ITPRID1: variants seen among roughly 807,000 people sequenced by gnomAD.
ITPRID1 encodes protein ITPRID1.
Under a neutral mutation model 95.4 loss-of-function variants are expected in ITPRID1, and 96 were observed. The observed-to-expected ratio is 1.01, with a 90% confidence interval of 0.85 to 1.19. The LOEUF (loss-of-function observed/expected upper bound fraction) is 1.19, where lower values mean the gene tolerates loss of function less well. Among genes scored for constraint, ITPRID1 ranks in the 50% most tolerant of loss-of-function variants. ITPRID1 has a pLI of 0.00. For missense variants in ITPRID1, 1,339 were observed against 1,252.9 expected (o/e 1.07, Z -1.04); for synonymous variants, 510 against 453.6 (o/e 1.12, Z -1.58).
intron 10 of ITPRID1, among the ~76,000 whole-genome samples, chr7:31,586,646 A>T (rs1785623190): frequency 2.0e-5 from 3 of 152,026 alleles, no homozygotes; most frequent in Non-Finnish European, 4.4e-5. Flanking sequence ...TTCTTTTGAG[A>T]AGTGTCTGTT....
intron 10 of ITPRID1, among the ~76,000 whole-genome samples, chr7:31,598,443 A>T (rs1346053661): frequency 8.2e-6 from 1 of 121,850 alleles, no homozygotes; most frequent in East Asian, 2.3e-4. Context: ...TCGCTCTGTC[A>T]CCCAGGCTGG....
At chr7:31,520,939 C>A (rs1783230024) in intron 1 of ITPRID1, among the ~76,000 whole-genome samples, 1 of 151,860 alleles carries the variant, frequency 6.6e-6, no homozygotes, top group Admixed American at 6.6e-5. Flanking sequence ...ACTGTAAGAA[C>A]CCTGGCTTCA....
At chr7:31,528,809 C>A (rs1783501538) in intron 1 of ITPRID1, among the ~76,000 whole-genome samples, 1 of 152,056 alleles carries the variant, frequency 6.6e-6, no homozygotes, top group African/African-American at 2.4e-5. Context: ...ATTGGGGTTC[C>A]TCTGTGTTTG....
intron 10 of ITPRID1, among the ~76,000 whole-genome samples, chr7:31,617,684 T>C (rs1279615486): frequency 1.3e-5 from 2 of 152,150 alleles, no homozygotes; most frequent in African/African-American, 2.4e-5. Flanking sequence ...CTTGTCATTT[T>C]CTGATTTATA....
chr7:31,580,431 C>A (rs1282219490), intron 9 of ITPRID1, among the ~76,000 whole-genome samples: 1 of 151,896 alleles, frequency 6.6e-6, no homozygotes, highest in Non-Finnish European at 1.5e-5. Context: ...CTGCTTCAAA[C>A]TAGACTGATT....
At chr7:31,631,900 G>A (rs537906572) in intron 10 of ITPRID1, among the ~76,000 whole-genome samples, 11 of 152,154 alleles carry the variant, frequency 7.2e-5, no homozygotes, top group Non-Finnish European at 1.5e-4. Context: ...TTTAGGATGA[G>A]AGTCAAGATA....
intron 10 of ITPRID1, among the ~76,000 whole-genome samples, chr7:31,618,652 C>A (rs2128172533): frequency 7.1e-6 from 1 of 140,222 alleles, no homozygotes; most frequent in South Asian, 2.2e-4. Context: ...AATGTAGAAA[C>A]CCATAATTAT....
In ITPRID1 at chr7:31,578,000, G is replaced by A. The variant is rs376757677; in HGVS notation, c.736G>A (p.Ala246Thr). 5.6e-5 allele frequency: 91 copies of A among 1,613,618 alleles called. No individual in the cohort carries two copies. The highest frequency in any genetic ancestry group is 9.3e-5 in the African/African-American group (7 of 74,904). Residue 246 changes from alanine to threonine, a missense_variant, in exon 9 of 15, where the codon GCC becomes ACC. Transcript: ENST00000615280. ...ESVQRTSVSA[A>T]KEHRRRMGKL... ...TGTGCAAAGAACCTCAGTGAGTGCC[G>A]CCAAAGAGCATCGAAGAAGAATGGG...
intron 1 of ITPRID1, among the ~76,000 whole-genome samples, chr7:31,524,541 A>G (rs1419501200): frequency 1.3e-5 from 2 of 152,216 alleles, no homozygotes; most frequent in Non-Finnish European, 2.9e-5. Context: ...CAGAATTAAC[A>G]TGTTCATTGT....
chr7:31,528,054 A>G (rs1287153013), intron 1 of ITPRID1, among the ~76,000 whole-genome samples: 1 of 152,192 alleles, frequency 6.6e-6, no homozygotes, highest in Non-Finnish European at 1.5e-5. Context: ...TGCACACATC[A>G]TTATTCTGAA....
intron 1 of ITPRID1, among the ~76,000 whole-genome samples, chr7:31,521,075 A>AT (rs5883289): frequency 0.61 from 91,637 of 151,216 alleles, 28,250 homozygotes; most frequent in East Asian, 0.86. Flanking sequence ...CATTTAATTG[A>AT]TTCTACTCTT....
At chr7:31,618,140 G>C (rs896408527) in intron 10 of ITPRID1, among the ~76,000 whole-genome samples, 5 of 152,130 alleles carry the variant, frequency 3.3e-5, no homozygotes, top group African/African-American at 1.2e-4. Context: ...TAGGAGCAAG[G>C]ACTATGACTA....
intron 9 of ITPRID1, among the ~76,000 whole-genome samples, chr7:31,581,925 T>A (rs1785418916): frequency 6.6e-6 from 1 of 152,048 alleles, no homozygotes. Context: ...AAAAAAAAGA[T>A]GTGAAGGATT....
Position 31,646,749 on chromosome 7 carries a change from T to G in ITPRID1, c.2583+2796T>G, listed in dbSNP as rs561174591. 8.0e-4 allele frequency among the ~76,000 whole-genome samples: 122 copies of G among 152,308 alleles called. No homozygotes were observed. In the Middle Eastern group the frequency reaches 0.01, roughly 13 times the overall value. On this transcript the variant is annotated intron_variant, in intron 12 of 14. Transcript: ENST00000615280. ...TTTGTGGCCCATTATGCTCAGTAAC[T>G]GTCCTCAGACGTGGGTAGATTTTAA...
At chr7:31,638,847 G>C (rs1789734954) in intron 10 of ITPRID1, among the ~76,000 whole-genome samples, 1 of 152,140 alleles carries the variant, frequency 6.6e-6, no homozygotes, top group African/African-American at 2.4e-5. Context: ...CCCAATCTCA[G>C]CTTACTACAA....
chr7:31,546,680 T>C (rs1463025859), intron 1 of ITPRID1, among the ~76,000 whole-genome samples: 1 of 152,186 alleles, frequency 6.6e-6, no homozygotes, highest in Non-Finnish European at 1.5e-5. Flanking sequence ...AAATACACAT[T>C]GAGTACATTT....
chr7:31,628,699 G>A (rs1052828615), intron 10 of ITPRID1, among the ~76,000 whole-genome samples: 1 of 151,952 alleles, frequency 6.6e-6, no homozygotes, highest in African/African-American at 2.4e-5. Context: ...CTTGTGATCC[G>A]CCCGCCTCGG....
intron 10 of ITPRID1, among the ~76,000 whole-genome samples, chr7:31,624,856 T>A (rs944264656): frequency 1.3e-5 from 2 of 151,710 alleles, no homozygotes; most frequent in African/African-American, 2.4e-5. Context: ...TGGGAAAAAA[T>A]TTTCGCAACC....
chr7:31,592,316 A>G (rs183842346), intron 10 of ITPRID1, among the ~76,000 whole-genome samples: 109 of 152,312 alleles, frequency 7.2e-4, no homozygotes, highest in African/African-American at 2.5e-3. Context: ...CTCAATCTCT[A>G]TGCTTCTGTG....
Sources: allele counts gnomAD v4.1 joint callset (sites outside exome capture counted in the v4.1 genomes callset), GRCh38; gene constraint gnomAD v4.1.1; transcripts MANE v1.5; gene names NCBI Gene and HGNC (gene_info 2026-07-23, HGNC 2026-07-21).